The following PDCD4 variants were observed in gnomAD, a reference collection of about 807,000 sequenced individuals.
PDCD4 encodes programmed cell death 4.
A neutral mutation model predicts 54.0 loss-of-function variants in PDCD4; 56 were observed. That is an observed-to-expected ratio of 1.04 (90% CI 0.84 to 1.30). The LOEUF (loss-of-function observed/expected upper bound fraction) is 1.30. PDCD4 is among the 50% of genes most tolerant of loss of function. PDCD4 has a pLI of 0.00. For synonymous variants in PDCD4, 186 were observed against 194.8 expected (o/e 0.95, Z 0.37); for missense variants, 584 against 559.8 (o/e 1.04, Z -0.44).
Position 110,881,548 on chromosome 10 carries a change from C to T in PDCD4, c.346+13C>T. 1 of 1,577,760 alleles carries T rather than the reference C, an allele frequency of 6.3e-7. No individual in the cohort carries two copies. Among genetic ancestry groups the T allele is most frequent in the African/African-American group, 1.4e-5 (1 of 73,558 alleles). Reference sequence around the variant, plus strand: ...CTACCAAAGAAAGGTTGGTATATATCATGTCCAACAAATGGAAGATAAACA... The same window carrying T: ...CTACCAAAGAAAGGTTGGTATATATTATGTCCAACAAATGGAAGATAAACA... On this transcript the variant is annotated intron_variant, in intron 3 of 11. Transcript: ENST00000280154.
intron 2 of PDCD4, chr10:110,876,822 A>T (rs1845512743): frequency 4.0e-6 from 2 of 494,936 alleles, no homozygotes; most frequent in African/African-American, 2.0e-5. Flanking sequence ...AGTTAATTAG[A>T]ATTGTGTAAT....
intron 2 of PDCD4, 59 bp from the exon 3 acceptor site, chr10:110,881,174 C>G (rs1845584519): frequency 2.7e-5 from 35 of 1,279,286 alleles, no homozygotes; most frequent in Non-Finnish European, 3.6e-5. Context: ...ACCACTATAT[C>G]TATAAAACAG....
intron 5 of PDCD4, among the ~76,000 whole-genome samples, chr10:110,886,411 A>ATTG (rs1169191393): frequency 5.3e-5 from 8 of 152,260 alleles, no homozygotes; most frequent in South Asian, 4.1e-4. Flanking sequence ...AAAGAGGAGT[A>ATTG]TTGTGTTTGA....
intron 1 of PDCD4, among the ~76,000 whole-genome samples, chr10:110,873,077 A>G (rs1196270881): frequency 6.6e-6 from 1 of 152,228 alleles, no homozygotes; most frequent in Admixed American, 6.5e-5. Flanking sequence ...TTGGGAAACC[A>G]CCAAGTGCTT....
chr10:110,881,669 A>G (rs1845595183), intron 3 of PDCD4, 134 bp downstream of exon 3: 6 of 671,134 alleles, frequency 8.9e-6, no homozygotes, highest in Middle Eastern at 4.1e-4. Flanking sequence ...TACAGTTTGT[A>G]TATATTTTTA....
Position 110,898,066 on chromosome 10 carries a change from G to T in PDCD4, c.1388G>T (p.Arg463Leu). Reference sequence around the variant, plus strand: ...TTTGTAAGCGAAGGAGATGGAGGTCGTCTTAAACCAGAGAGCTACTGAATA... The same window carrying T: ...TTTGTAAGCGAAGGAGATGGAGGTCTTCTTAAACCAGAGAGCTACTGAATA... ...KRFVSEGDGGRLKPESY is the reference protein window; with the variant it reads ...KRFVSEGDGGLLKPESY Residue 463 changes from arginine to leucine, a missense_variant, in exon 12 of 12, where the codon CGT (arginine) becomes CTT (leucine). Transcript: ENST00000280154. 6.3e-7 allele frequency: 1 copy of T among 1,585,900 alleles called. No individual in the cohort carries two copies. Among genetic ancestry groups the T allele is most frequent in the Non-Finnish European group, 8.6e-7 (1 of 1,164,208 alleles).
chr10:110,898,007 C>CT lies in PDCD4; in HGVS notation c.1350-12dup, dbSNP rs532010679. ...TCAGAATTTGTATCTGTTTTCATGT[C>CT]TTTTTTTTTCTTCATTACAGGGGCA... is the stretch of plus-strand genomic sequence containing the variant. On this transcript the variant is annotated intron_variant, in intron 11 of 11. Coordinates refer to ENST00000280154, the MANE Select transcript of PDCD4 (RefSeq NM_014456.5). 2,991 of 1,503,826 alleles carry CT rather than the reference C, an allele frequency of 2.0e-3. 4 individuals are homozygous for CT. Among genetic ancestry groups the CT allele is most frequent in the South Asian group, 0.011 (844 of 78,182 alleles). 93.2% of individuals were successfully genotyped at this position (1,503,826 alleles called of 1,614,324 possible).
intron 1 of PDCD4, among the ~76,000 whole-genome samples, chr10:110,874,895 G>GA (rs1845478347): frequency 6.6e-6 from 1 of 152,008 alleles, no homozygotes; most frequent in Admixed American, 6.5e-5. Flanking sequence ...AGTTATATAG[G>GA]AAAAAATGTG....
chr10:110,887,847 T>A lies in PDCD4; in HGVS notation c.738T>A (p.Asp246Glu), dbSNP rs1845692267. ...AATCATTTGATAAATTGTTGAAAGA[T>A]CTACCTGAATTAGCACTGGATACTC... is the stretch of plus-strand genomic sequence containing the variant. ...VEKSFDKLLK[D>E]LPELALDTPR... is the part of the protein sequence containing the mutation. The change falls in exon 6 of 12, where the codon GAT becomes GAA. Residue 246 changes from aspartate to glutamate, a missense_variant. Coordinates refer to ENST00000280154, the MANE Select transcript of PDCD4 (RefSeq NM_014456.5). 6.2e-7 allele frequency: 1 copy of A among 1,613,236 alleles called. No homozygotes were observed. The highest frequency in any genetic ancestry group is 8.5e-7 in the Non-Finnish European group (1 of 1,179,390).
intron 8 of PDCD4, 117 bp downstream of exon 8, chr10:110,890,787 AT>A: frequency 2.1e-6 from 1 of 476,040 alleles, no homozygotes; most frequent in Non-Finnish European, 3.8e-6. Context: ...TACAGCTGCA[AT>A]TGGAAAATGA....
intron 2 of PDCD4, among the ~76,000 whole-genome samples, chr10:110,880,132 C>T (rs930460207): frequency 7.2e-5 from 11 of 152,272 alleles, no homozygotes; most frequent in African/African-American, 2.6e-4. Flanking sequence ...CACTTGATCT[C>T]CATGGAATTT....
intron 2 of PDCD4, among the ~76,000 whole-genome samples, chr10:110,877,893 T>C (rs571995028): frequency 4.4e-4 from 67 of 152,332 alleles, no homozygotes; most frequent in African/African-American, 1.5e-3. Context: ...TAGTGAGATA[T>C]TGTATATGTG....
chr10:110,895,966 A>G lies in PDCD4; in HGVS notation c.1228A>G (p.Asn410Asp). ...QMKRGYERIYNEIPDINLDVP... is the reference protein window; with the variant it reads ...QMKRGYERIYDEIPDINLDVP... Reference sequence around the variant, plus strand: ...GTTGTAGGGTTATGAGAGAATTTACAATGAAATTCCGGACATTAATCTGGA... The same window carrying G: ...GTTGTAGGGTTATGAGAGAATTTACGATGAAATTCCGGACATTAATCTGGA... The change falls in exon 11 of 12, where the codon AAT (asparagine) becomes GAT (aspartate). Residue 410 changes from asparagine to aspartate, a missense_variant. Asn to Asp is a conservative substitution (Grantham distance 23, BLOSUM62 1). Transcript: ENST00000280154. 3 of 1,601,598 alleles carry G rather than the reference A, an allele frequency of 1.9e-6. No homozygotes were observed.
intron 1 of PDCD4, among the ~76,000 whole-genome samples, chr10:110,873,914 C>G (rs1451399578): frequency 1.3e-5 from 2 of 152,138 alleles, no homozygotes; most frequent in East Asian, 3.8e-4. Context: ...GGAATGCCTT[C>G]TGTATAATAG....
At chr10:110,890,779 C>T in intron 8 of PDCD4, 109 bp downstream of exon 8, 2 of 506,098 alleles carry the variant, frequency 4.0e-6, no homozygotes, top group South Asian at 5.0e-5. Flanking sequence ...TTCGGTCTTA[C>T]AGCTGCAATT....
intron 4 of PDCD4, among the ~76,000 whole-genome samples, chr10:110,884,142 C>G (rs1187389556): frequency 2.0e-5 from 3 of 152,164 alleles, no homozygotes; most frequent in Non-Finnish European, 4.4e-5. Flanking sequence ...GTGATGAGAT[C>G]TCCTGCTGTC....
intron 11 of PDCD4, among the ~76,000 whole-genome samples, chr10:110,897,722 T>A (rs927462602): frequency 2.0e-5 from 3 of 152,270 alleles, no homozygotes; most frequent in East Asian, 3.9e-4. Context: ...TAATTAGAAA[T>A]TAATTAGAAA....
chr10:110,887,531 G>A (rs1417365934), intron 5 of PDCD4, 134 bp from the exon 6 acceptor site: 1 of 606,216 alleles, frequency 1.6e-6, no homozygotes, highest in Non-Finnish European at 2.9e-6. Flanking sequence ...AACATGACTG[G>A]GTCTTTTGAT....
chr10:110,872,430 C>T (rs1845427336), intron 1 of PDCD4, among the ~76,000 whole-genome samples: 2 of 152,166 alleles, frequency 1.3e-5, no homozygotes, highest in African/African-American at 4.8e-5. Context: ...GACTGAAATC[C>T]TGTGAGGAAG....
Sources: gnomAD v4.1 joint callset for allele counts (sites outside exome capture counted in the v4.1 genomes callset) on GRCh38, gnomAD v4.1.1 for gene constraint, MANE v1.5 for transcripts, NCBI Gene and HGNC (gene_info 2026-07-23, HGNC 2026-07-21) for gene names.